Variants in PDE1C observed in about 807,000 individuals in gnomAD.
PDE1C encodes the protein phosphodiesterase 1C.
Under a neutral mutation model 93.1 loss-of-function variants are expected in PDE1C, and 62 were observed. The observed-to-expected ratio is 0.67, with a 90% CI of 0.54 to 0.82. The LOEUF (loss-of-function observed/expected upper bound fraction) is 0.82. Among genes scored for constraint, PDE1C ranks in the 40% least tolerant of loss-of-function variants. The probability of loss-of-function intolerance (pLI) is 0.00; values close to 1 mark genes in which losing one functional copy is unlikely to be tolerated. For missense variants in PDE1C, 742 were observed against 884.6 expected, an observed-to-expected ratio of 0.84 and a Z score of 2.04; for synonymous variants, 325 against 310.1, an observed-to-expected ratio of 1.05 and a Z score of -0.50.
Position 32,010,009 on chromosome 7 carries a change from C to T in PDE1C, c.128+41545G>A, listed in dbSNP as rs534507088. ...CTGTATAATGAAAACTACAAAACAT[C>T]GCTGAAACTAAACAACATCTAAAAT... On this transcript the variant is annotated intron_variant, in intron 2 of 17. Transcript: ENST00000396191. Among the ~76,000 whole-genome samples, 9 of 152,258 alleles carry T rather than the reference C, an allele frequency of 5.9e-5. No individual in the cohort carries two copies. In the South Asian group the frequency reaches 8.3e-4, roughly 14 times the overall value.
At chr7:32,038,714 T>C (rs1023695247) in intron 2 of PDE1C, among the ~76,000 whole-genome samples, 20 of 152,120 alleles carry the variant, frequency 1.3e-4, no homozygotes, top group African/African-American at 4.8e-4. Context: ...CCCAAGCCAG[T>C]GGCAAAAGTA....
intron 2 of PDE1C, among the ~76,000 whole-genome samples, chr7:31,936,492 T>C (rs1287565382): frequency 6.6e-6 from 1 of 151,026 alleles, no homozygotes. Flanking sequence ...CTTACAGGCA[T>C]CAGACACACA....
chr7:31,674,447 A>C, the PDE1C span, among the ~76,000 whole-genome samples: 8 of 152,330 alleles, frequency 5.3e-5, no homozygotes, highest in Non-Finnish European at 4.4e-5. Context: ...AGAAAAGAAA[A>C]GAAAAATTCC....
At chr7:31,839,775 G>A (rs1267731539) in intron 9 of PDE1C, among the ~76,000 whole-genome samples, 1 of 152,224 alleles carries the variant, frequency 6.6e-6, no homozygotes, top group African/African-American at 2.4e-5. Context: ...AGTGGCTCAT[G>A]CCTGTAATCC....
At chr7:31,895,580 T>TCTC (rs1799191111) in intron 2 of PDE1C, among the ~76,000 whole-genome samples, 4 of 144,818 alleles carry the variant, frequency 2.8e-5, no homozygotes, top group Admixed American at 6.9e-5. Flanking sequence ...TTTCTCTCTT[T>TCTC]TCTCTCTCTC....
chr7:31,772,483 T>C (rs1330810534), intron 17 of PDE1C, among the ~76,000 whole-genome samples: 1 of 150,474 alleles, frequency 6.6e-6, no homozygotes, highest in Non-Finnish European at 1.5e-5. Flanking sequence ...ATCACAGCTG[T>C]CCCAGGGCTT....
At chr7:31,778,744 C>T (rs916863112) in intron 16 of PDE1C, among the ~76,000 whole-genome samples, 5 of 152,182 alleles carry the variant, frequency 3.3e-5, no homozygotes, top group African/African-American at 9.6e-5. Context: ...ACGTAGGCAC[C>T]GTGAAATATA....
intron 3 of PDE1C, among the ~76,000 whole-genome samples, chr7:32,090,885 T>A (rs1472112903): frequency 6.6e-6 from 1 of 152,244 alleles, no homozygotes; most frequent in Admixed American, 6.5e-5. Context: ...ATGTGTGTGT[T>A]AACCTAGTTT....
At chr7:32,422,453 C>A (rs1583437505) in intron 1 of PDE1C, among the ~76,000 whole-genome samples, 2 of 152,102 alleles carry the variant, frequency 1.3e-5, no homozygotes, top group Admixed American at 1.3e-4. Context: ...AGCATAGTAC[C>A]CAATAGGTAG....
the PDE1C span, among the ~76,000 whole-genome samples, chr7:31,649,316 C>A: frequency 6.6e-6 from 1 of 152,154 alleles, no homozygotes; most frequent in Non-Finnish European, 1.5e-5. Context: ...TCTCAGACTT[C>A]CTAGAAACAG....
chr7:31,651,315 C>G, the PDE1C span: 1 of 1,596,080 alleles, frequency 6.3e-7, no homozygotes, highest in Middle Eastern at 1.7e-4. Context: ...GCCCACACAC[C>G]TGGAGCAAGG....
chr7:32,169,985 G>A lies in PDE1C; in HGVS notation c.137-29C>T, dbSNP rs1054687269. ...AGGCATGGGGAAAAGAGAGATGCAG[G>A]TGAATCATCCACCAGTTGACTCCAT... On this transcript the variant is annotated intron_variant, in intron 2 of 18. Coordinates refer to the PDE1C transcript ENST00000396193. 3.1e-6 allele frequency: 5 copies of A among 1,596,356 alleles called. No individual in the cohort carries two copies. The East Asian group carries it at 9.0e-5, about 29-fold the overall frequency.
chr7:32,341,174 T>TATTTTTTATTTTTTTTTTA (rs72495478), intron 1 of PDE1C, among the ~76,000 whole-genome samples: 1 of 17,122 alleles, frequency 5.8e-5, no homozygotes, highest in South Asian at 3.8e-3. Context: ...AAATAAAGTC[T>TATTTTTTATTTTTTTTTTA]TTTTTTTTTT....
chr7:31,876,444 C>T (rs2128871340), intron 5 of PDE1C, among the ~76,000 whole-genome samples: 1 of 152,210 alleles, frequency 6.6e-6, no homozygotes, highest in Admixed American at 6.5e-5. Context: ...CTCAGTTATT[C>T]TGCATAGAAA....
intron 1 of PDE1C, among the ~76,000 whole-genome samples, chr7:32,258,647 CAGGCCA>C (rs1809979950): frequency 6.6e-6 from 1 of 152,158 alleles, no homozygotes; most frequent in Non-Finnish European, 1.5e-5. Context: ...ACAAAACAGC[CAGGCCA>C]ATGAATGAAA....
intron 3 of PDE1C, among the ~76,000 whole-genome samples, chr7:32,134,897 C>T (rs958376414): frequency 6.6e-6 from 1 of 152,096 alleles, no homozygotes; most frequent in Non-Finnish European, 1.5e-5. Context: ...GCACGTTCTG[C>T]ACATGTATCC....
intron 2 of PDE1C, among the ~76,000 whole-genome samples, chr7:32,026,825 C>T (rs1415404963): frequency 6.6e-6 from 1 of 151,746 alleles, no homozygotes; most frequent in Admixed American, 6.6e-5. Context: ...AATAATCCAG[C>T]ACTAAAAATT....
chr7:31,726,758 C>T, the PDE1C span, among the ~76,000 whole-genome samples: 61 of 152,332 alleles, frequency 4.0e-4, no homozygotes, highest in African/African-American at 1.2e-3. Context: ...TGTGGCCAGG[C>T]ACAGTGGCTC....
chr7:31,808,136 T>C (rs754353319), intron 16 of PDE1C: 14 of 441,254 alleles, frequency 3.2e-5, no homozygotes, highest in Non-Finnish European at 5.6e-5. Context: ...CGTTCCAATT[T>C]ATTCTTACTC....
Sources: allele counts gnomAD v4.1 joint callset (sites outside exome capture counted in the v4.1 genomes callset), GRCh38; gene constraint gnomAD v4.1.1; transcripts MANE v1.5; gene names NCBI Gene and HGNC (gene_info 2026-07-23, HGNC 2026-07-21).